The following GPM6B variants were observed in gnomAD, a reference collection of about 807,000 sequenced individuals.
GPM6B encodes the protein neuronal membrane glycoprotein M6-b.
GPM6B carries 4 observed loss-of-function variants against 27.2 expected under a neutral mutation model. That is an observed-to-expected ratio of 0.15 (90% confidence interval 0.07 to 0.34). The LOEUF (loss-of-function observed/expected upper bound fraction) is 0.34. Ranked by LOEUF, GPM6B falls within the 10% of genes least tolerant of loss-of-function variation. The pLI is 1.00. For synonymous variants in GPM6B, 124 were observed against 103.1 expected (o/e 1.20, Z -1.23); for missense variants, 183 against 261.9 (o/e 0.70, Z 2.08).
intron 7 of GPM6B, chrX:13,774,405 C>G (rs1209372374): frequency 8.3e-6 from 9 of 1,081,063 alleles, no homozygotes; most frequent in Non-Finnish European, 7.2e-6. Context: ...TCTTATTAAT[C>G]TACCATGCAA....
intron 1 of GPM6B, among the ~76,000 whole-genome samples, chrX:13,896,874 A>T (rs139194364): frequency 4.2e-4 from 47 of 112,268 alleles, no homozygotes; most frequent in Middle Eastern, 4.6e-3. Context: ...TGCCATATTG[A>T]CAATTTCCTA....
At chrX:13,866,761 T>A (rs1269004113) in intron 1 of GPM6B, among the ~76,000 whole-genome samples, 3 of 111,960 alleles carry the variant, frequency 2.7e-5, no homozygotes, top group Non-Finnish European at 5.6e-5. Context: ...TTAGAAGATA[T>A]TCTAAATGAA....
chrX:13,783,307 C>T lies in GPM6B; in HGVS notation c.525+58G>A, dbSNP rs1602982957. ...AGCTTTTGCCAAATACAAGGAAATA[C>T]ATCAAGGCATGGCTCTGGTTGTATA... is the stretch of plus-strand genomic sequence containing the variant. On this transcript the variant is annotated intron_variant, in intron 4 of 7. Transcript: ENST00000316715. 9 of 1,012,782 alleles carry T rather than the reference C, an allele frequency of 8.9e-6. No individual in the cohort carries two copies. In the East Asian group the frequency reaches 2.9e-4, roughly 33 times the overall value. The allele number at this position is 1,012,782 out of a possible 1,213,427, so 83.5% of individuals were successfully genotyped here.
At chrX:13,782,757 C>CAAAA (rs36124855) in intron 4 of GPM6B, among the ~76,000 whole-genome samples, 1 of 31,153 alleles carries the variant, frequency 3.2e-5, no homozygotes, top group African/African-American at 1.1e-4. Flanking sequence ...TGCTCCGTCT[C>CAAAA]AAAAAAAAAA....
At chrX:13,847,938 T>C (rs762868610) in intron 1 of GPM6B, among the ~76,000 whole-genome samples, 27 of 111,720 alleles carry the variant, frequency 2.4e-4, no homozygotes, top group African/African-American at 8.4e-4. Flanking sequence ...AAGAGATAAG[T>C]CGAGAAGACC....
chrX:13,809,155 G>A (rs1386273341), intron 1 of GPM6B, among the ~76,000 whole-genome samples: 1 of 111,647 alleles, frequency 9.0e-6, no homozygotes, highest in African/African-American at 3.3e-5. Flanking sequence ...ATTTTTACAA[G>A]GGAACAACCC....
chrX:13,833,550 TAAA>T (rs755832950), intron 1 of GPM6B, among the ~76,000 whole-genome samples: 3 of 71,521 alleles, frequency 4.2e-5, no homozygotes, highest in African/African-American at 1.8e-4. Flanking sequence ...CTCTATCTCT[TAAA>T]AAAAAAAAAA....
intron 1 of GPM6B, among the ~76,000 whole-genome samples, chrX:13,923,051 C>T (rs1056254329): frequency 3.6e-5 from 4 of 111,472 alleles, no homozygotes; most frequent in African/African-American, 1.3e-4. Context: ...TGGTACGCAC[C>T]TGTAATCTTA....
intron 1 of GPM6B, among the ~76,000 whole-genome samples, chrX:13,858,098 A>C (rs976643727): frequency 8.9e-6 from 1 of 112,359 alleles, no homozygotes; most frequent in Non-Finnish European, 1.9e-5. Flanking sequence ...TGAAGGTCTG[A>C]AAAGACTTGT....
chrX:13,893,054 T>C (rs760562510), intron 1 of GPM6B, among the ~76,000 whole-genome samples: 1 of 111,388 alleles, frequency 9.0e-6, no homozygotes, highest in Non-Finnish European at 1.9e-5. Context: ...AATAAACATT[T>C]AAAAACCATT....
chrX:13,809,023 G>C (rs1439531213), intron 1 of GPM6B, among the ~76,000 whole-genome samples: 1 of 112,215 alleles, frequency 8.9e-6, no homozygotes, highest in African/African-American at 3.2e-5. Context: ...TATTTTTGTG[G>C]TCAATGATGA....
chrX:13,908,089 G>GAT (rs1322182709), intron 1 of GPM6B, among the ~76,000 whole-genome samples: 1 of 112,027 alleles, frequency 8.9e-6, no homozygotes, highest in African/African-American at 3.2e-5. Context: ...TATTATCAAA[G>GAT]ATACTTATAA....
Position 13,827,855 on chromosome X carries a change from C to T in GPM6B, c.-197-42047G>A, listed in dbSNP as rs142490002. On this transcript the variant is annotated intron_variant, in intron 1 of 6. Coordinates refer to the GPM6B transcript ENST00000398361. The stretch of plus-strand genomic sequence containing the variant: ...TCAGGGTGGCTCAGGGAAGCCTTCA[C>T]GCCTTGATGCTGTTTCAGCCACTCC... Among the ~76,000 whole-genome samples the T allele has an allele frequency of 9.2e-3, 1,028 of 112,007 alleles. 4 individuals are homozygous for T. The highest frequency in any genetic ancestry group is 0.018 in the Middle Eastern group (4 of 219).
intron 1 of GPM6B, among the ~76,000 whole-genome samples, chrX:13,812,048 CTTT>C (rs1187553585): frequency 1.1e-5 from 1 of 88,914 alleles, no homozygotes. Flanking sequence ...TCTTTTCTTT[CTTT>C]TTTTTTTTTT....
At chrX:13,895,108 T>A (rs755273910) in intron 1 of GPM6B, among the ~76,000 whole-genome samples, 1 of 111,803 alleles carries the variant, frequency 8.9e-6, no homozygotes, top group Non-Finnish European at 1.9e-5. Flanking sequence ...TACTGGGGCA[T>A]CTCAGCTGAT....
chrX:13,846,790 C>CTTTTT (rs10656571), intron 1 of GPM6B, among the ~76,000 whole-genome samples: 988 of 85,364 alleles, frequency 0.012, 37 homozygotes, highest in African/African-American at 0.043. Flanking sequence ...ACTGCGCCAG[C>CTTTTT]TTTTTTTTTT....
chrX:13,793,581 C>T (rs1400998352), intron 2 of GPM6B, among the ~76,000 whole-genome samples: 1 of 112,227 alleles, frequency 8.9e-6, no homozygotes, highest in African/African-American at 3.2e-5. Flanking sequence ...CATTTGGTGA[C>T]ACTGCCAAAT....
At position 13,817,063 on chromosome X, in the gene GPM6B, G is replaced by C; in HGVS notation, c.-159C>G. The C allele has an allele frequency of 1.9e-6, 2 of 1,039,576 alleles. No individual in the cohort carries two copies. Among genetic ancestry groups the C allele is most frequent in the Non-Finnish European group, 2.5e-6 (2 of 813,148 alleles). The allele number at this position is 1,039,576 out of a possible 1,213,427, so 85.7% of individuals were successfully genotyped here. ...AGTAGATTACAGTCCCTTCCAAGAT[G>C]CAAAAGTCTTGTCAGCGTCAATTTC... On this transcript the variant is annotated 5_prime_UTR_variant, in exon 1 of 8. Transcript: ENST00000316715.
intron 5 of GPM6B, 74 bp from the exon 6 acceptor site, chrX:13,777,499 G>T: frequency 1.5e-6 from 1 of 651,931 alleles, no homozygotes; most frequent in African/African-American, 2.1e-5. Flanking sequence ...CCACCACTTC[G>T]GATGCCAGTT....
Sources: allele counts gnomAD v4.1 joint callset (sites outside exome capture counted in the v4.1 genomes callset), GRCh38; gene constraint gnomAD v4.1.1; transcripts MANE v1.5; gene names NCBI Gene and HGNC (gene_info 2026-07-23, HGNC 2026-07-21).